Variants in HDAC9 observed in about 807,000 individuals in gnomAD.
HDAC9 encodes the protein histone deacetylase 9, also known as MEF-2 interacting transcription repressor (MITR) protein.
A neutral mutation model predicts 139.4 loss-of-function variants in HDAC9; 41 were observed. The ratio of observed to expected loss-of-function variants is 0.29; its 90% CI spans 0.23 to 0.38. HDAC9 has a LOEUF of 0.38. Among genes scored for constraint, HDAC9 ranks in the 10% least tolerant of loss-of-function variants. The pLI, the probability that HDAC9 is intolerant of heterozygous loss-of-function variation, is 1.00. For missense variants in HDAC9, 1,147 were observed against 1,297.0 expected (o/e 0.88, Z 1.78); for synonymous variants, 517 against 476.2 (o/e 1.09, Z -1.12).
At chr7:18,666,954 G>C in intron 12 of HDAC9, 3 of 990,902 alleles carry the variant, frequency 3.0e-6, no homozygotes, top group Non-Finnish European at 3.6e-6. Flanking sequence ...TGTACATAAT[G>C]TATCATACTA....
chr7:18,810,277 T>A (rs1794074358), intron 17 of HDAC9, among the ~76,000 whole-genome samples: 1 of 151,900 alleles, frequency 6.6e-6, no homozygotes, highest in Non-Finnish European at 1.5e-5. Flanking sequence ...CTCATGTGCA[T>A]AATTCGGAGT....
chr7:18,282,785 C>G lies in HDAC9; in HGVS notation c.25+120436C>G, dbSNP rs1259913010. ...TTGATGTTGTAGTCTTCACTCTATACAGCCAGTCACCTTGTGAACAGAACT... is the reference window on the plus strand; with the variant it reads ...TTGATGTTGTAGTCTTCACTCTATAGAGCCAGTCACCTTGTGAACAGAACT... On this transcript the variant is annotated intron_variant, in intron 2 of 12. Coordinates refer to the HDAC9 transcript ENST00000417496. Among the ~76,000 whole-genome samples, 7 of 152,142 alleles carry G rather than the reference C, an allele frequency of 4.6e-5. No individual in the cohort carries two copies. In the South Asian group the frequency reaches 8.3e-4, roughly 18 times the overall value.
Position 18,333,180 on chromosome 7 carries a change from C to T in HDAC9, c.-42+42665C>T, listed in dbSNP as rs142972528. Among the ~76,000 whole-genome samples, 351 of 151,434 alleles carry T rather than the reference C, an allele frequency of 2.3e-3. 4 individuals carry two copies. Among genetic ancestry groups the T allele is most frequent in the African/African-American group, 8.3e-3 (343 of 41,392 alleles). On this transcript the variant is annotated intron_variant, in intron 1 of 3. Coordinates refer to the HDAC9 transcript ENST00000413509. ...CCATTAAAAACTACTGAGTCAGAGG[C>T]AGTTTTTAAACAGAGCTCAACTAGA...
intron 2 of HDAC9, among the ~76,000 whole-genome samples, chr7:18,576,617 G>A (rs555934359): frequency 1.3e-4 from 19 of 149,420 alleles, no homozygotes; most frequent in South Asian, 4.2e-4. Flanking sequence ...AGCCGAGATC[G>A]CGCCACTGCA....
chr7:18,192,116 C>T (rs1790389954), intron 2 of HDAC9, among the ~76,000 whole-genome samples: 1 of 152,100 alleles, frequency 6.6e-6, no homozygotes, highest in South Asian at 2.1e-4. Context: ...ATGAACCCGG[C>T]CGGGGGGCGG....
chr7:18,126,754 T>C (rs1472847661), intron 1 of HDAC9, among the ~76,000 whole-genome samples: 1 of 152,192 alleles, frequency 6.6e-6, no homozygotes, highest in African/African-American at 2.4e-5. Context: ...AGGGGTTTAC[T>C]AGTGCTGGCT....
rs112502543 is a variant in HDAC9 at position 18,168,879 on chromosome 7, G to GTTT, written c.25+6547_25+6549dup. ...AGTTCTGAGGAGGTGCAAATGTCTT[G>GTTT]TTTTTTTTTTTTTTTTTTTGTGTGT... On this transcript the variant is annotated intron_variant, in intron 2 of 12. Coordinates refer to the HDAC9 transcript ENST00000417496. Among the ~76,000 whole-genome samples, 45 of 80,864 alleles carry GTTT rather than the reference G, an allele frequency of 5.6e-4. 2 individuals are homozygous for GTTT. Among genetic ancestry groups the GTTT allele is most frequent in the South Asian group, 1.6e-3 (3 of 1,894 alleles). 53.0% of individuals were successfully genotyped at this position (80,864 alleles called of 152,430 possible).
chr7:18,791,234 G>A (rs553391005), intron 16 of HDAC9, among the ~76,000 whole-genome samples: 1 of 152,286 alleles, frequency 6.6e-6, no homozygotes, highest in African/African-American at 2.4e-5. Flanking sequence ...CCAAAGTTGA[G>A]TAAAAAGGGC....
At chr7:18,775,924 G>T (rs1294876514) in intron 16 of HDAC9, among the ~76,000 whole-genome samples, 1 of 151,854 alleles carries the variant, frequency 6.6e-6, no homozygotes, top group Non-Finnish European at 1.5e-5. Context: ...TTTGATGGGG[G>T]CATCCAATTT....
intron 19 of HDAC9, among the ~76,000 whole-genome samples, chr7:18,832,633 A>G (rs946208784): frequency 4.6e-5 from 7 of 152,192 alleles, no homozygotes; most frequent in Admixed American, 6.5e-5. Flanking sequence ...AGTTTATTAT[A>G]TATGTGTTGC....
chr7:18,598,073 A>G (rs1326430450), intron 6 of HDAC9, among the ~76,000 whole-genome samples: 1 of 152,200 alleles, frequency 6.6e-6, no homozygotes, highest in African/African-American at 2.4e-5. Context: ...TTGATGACCT[A>G]TTCAAGTCAT....
chr7:18,646,541 A>G (rs1787489546), intron 9 of HDAC9, among the ~76,000 whole-genome samples: 1 of 152,190 alleles, frequency 6.6e-6, no homozygotes, highest in Admixed American at 6.5e-5. Flanking sequence ...TTTAAGGAAA[A>G]GAGGCCAGGA....
rs545253476 is a variant in HDAC9 at position 18,921,270 on chromosome 7, G to A, written c.2804-14539G>A. 9.9e-5 allele frequency among the ~76,000 whole-genome samples: 15 copies of A among 152,206 alleles called. No individual in the cohort carries two copies. In the East Asian group the frequency reaches 1.5e-3, roughly 16 times the overall value. On this transcript the variant is annotated intron_variant, in intron 22 of 25. Transcript: ENST00000686413. ...ACTAAAGAGCTTCTGCACAGCAAACGAAACCACCATCAGAGTGAACAGGCA... is the reference window on the plus strand; with the variant it reads ...ACTAAAGAGCTTCTGCACAGCAAACAAAACCACCATCAGAGTGAACAGGCA...
chr7:18,139,833 G>A (rs1386908356), intron 1 of HDAC9, among the ~76,000 whole-genome samples: 2 of 152,188 alleles, frequency 1.3e-5, no homozygotes, highest in African/African-American at 4.8e-5. Flanking sequence ...GATCATGAAA[G>A]CAAAGACTGG....
intron 1 of HDAC9, among the ~76,000 whole-genome samples, chr7:18,146,499 A>G (rs1306705901): frequency 1.3e-5 from 2 of 152,146 alleles, no homozygotes; most frequent in African/African-American, 4.8e-5. Flanking sequence ...TTTTGGCAGC[A>G]TAGGTATTAA....
At chr7:18,959,942 T>TA (rs1303920066) in intron 24 of HDAC9, among the ~76,000 whole-genome samples, 1 of 152,086 alleles carries the variant, frequency 6.6e-6, no homozygotes, top group East Asian at 1.9e-4. Flanking sequence ...TTTACATAAA[T>TA]ACAGGAGCAA....
intron 21 of HDAC9, among the ~76,000 whole-genome samples, chr7:18,848,906 G>A (rs925513206): frequency 1.3e-5 from 2 of 152,098 alleles, no homozygotes; most frequent in African/African-American, 2.4e-5. Flanking sequence ...GTTAACAACT[G>A]CAGGAATTCC....
intron 2 of HDAC9, among the ~76,000 whole-genome samples, chr7:18,540,786 C>A (rs1313738859): frequency 6.6e-6 from 1 of 152,118 alleles, no homozygotes; most frequent in Non-Finnish European, 1.5e-5. Context: ...GAAATTTAAA[C>A]AATGTAATGT....
intron 2 of HDAC9, among the ~76,000 whole-genome samples, chr7:18,171,657 G>T (rs371016129): frequency 1.3e-4 from 20 of 152,194 alleles, no homozygotes; most frequent in African/African-American, 3.1e-4. Flanking sequence ...TAGCATGAAG[G>T]GCTGTTGAAT....
Sources: allele counts gnomAD v4.1 joint callset (sites outside exome capture counted in the v4.1 genomes callset), GRCh38; gene constraint gnomAD v4.1.1; transcripts MANE v1.5; gene names NCBI Gene and HGNC (gene_info 2026-07-23, HGNC 2026-07-21).